The following LAMA3 variants were observed in gnomAD, a reference collection of about 807,000 sequenced individuals.
LAMA3 encodes laminin subunit alpha 3, also known as laminin subunit alpha-3.
A neutral mutation model predicts 402.0 loss-of-function variants in LAMA3; 281 were observed. The ratio of observed to expected loss-of-function variants is 0.70; its 90% CI spans 0.63 to 0.77. The LOEUF (loss-of-function observed/expected upper bound fraction) is 0.77, where lower values mean the gene tolerates loss of function less well. Among genes scored for constraint, LAMA3 ranks in the 30% least tolerant of loss-of-function variants. The pLI is 0.00. For synonymous variants in LAMA3, 1,431 were observed against 1,558.4 expected (o/e 0.92, Z 1.93); for missense variants, 3,840 against 4,215.5 (o/e 0.91, Z 2.47).
chr18:23,829,213 C>T (rs1435437062), intron 23 of LAMA3, among the ~76,000 whole-genome samples: 1 of 152,174 alleles, frequency 6.6e-6, no homozygotes, highest in African/African-American at 2.4e-5. Context: ...ATTTCCTTTT[C>T]AGAGTTTGGG....
rs2081837732 is a variant in LAMA3 at position 23,921,522 on chromosome 18, A to G, written c.8114A>G (p.Asp2705Gly). 8.1e-6 allele frequency: 13 copies of G among 1,613,502 alleles called. No individual in the cohort carries two copies. The highest frequency in any genetic ancestry group is 1.0e-5 in the Non-Finnish European group (12 of 1,179,458). ...GTGGACGTTCAAAACACTATAATTG[A>G]TGGTGAAGTATTTGATTTCAGCACA... is the stretch of plus-strand genomic sequence containing the variant. ...INVDVQNTII[D>G]GEVFDFSTYY... Residue 2705 changes from aspartate (D) to glycine (G), a missense_variant, in exon 62 of 75, where the codon GAT becomes GGT. By Grantham distance (94) the Asp-to-Gly change is moderately conservative. Coordinates refer to ENST00000313654, the MANE Select transcript of LAMA3 (RefSeq NM_198129.4).
intron 41 of LAMA3, among the ~76,000 whole-genome samples, chr18:23,887,715 T>C (rs1039369851): frequency 2.6e-5 from 4 of 152,182 alleles, no homozygotes; most frequent in African/African-American, 9.6e-5. Flanking sequence ...GGAGACTAGC[T>C]GGATAGAAGC....
intron 47 of LAMA3, among the ~76,000 whole-genome samples, chr18:23,900,315 C>A (rs2081029323): frequency 6.6e-6 from 1 of 152,182 alleles, no homozygotes; most frequent in Non-Finnish European, 1.5e-5. Context: ...AAGCAATACG[C>A]CTGCCTTGGT....
intron 39 of LAMA3, among the ~76,000 whole-genome samples, chr18:23,877,991 C>T (rs938756904): frequency 5.9e-5 from 9 of 151,896 alleles, no homozygotes; most frequent in Non-Finnish European, 1.2e-4. Context: ...TGGGCGCCTG[C>T]AATCCCAGCT....
chr18:23,923,417 G>C (rs1041542206), intron 62 of LAMA3, among the ~76,000 whole-genome samples: 7 of 152,238 alleles, frequency 4.6e-5, no homozygotes, highest in Non-Finnish European at 1.0e-4. Flanking sequence ...ACAGGGATCA[G>C]ATTCCAAATA....
intron 12 of LAMA3, among the ~76,000 whole-genome samples, chr18:23,799,950 T>A (rs1464568150): frequency 6.6e-6 from 1 of 152,200 alleles, no homozygotes; most frequent in African/African-American, 2.4e-5. Flanking sequence ...GCTGATTGGA[T>A]GAGGCCCACC....
chr18:23,889,965 C>A, intron 41 of LAMA3, 46 bp from the exon 42 acceptor site: 1 of 1,420,394 alleles, frequency 7.0e-7, no homozygotes, highest in Non-Finnish European at 1.0e-6. Flanking sequence ...TTGAGATAAA[C>A]GATGAGTTAT....
chr18:23,847,435 C>T (rs1172281924), intron 31 of LAMA3, 29 bp from the exon 32 acceptor site: 2 of 1,605,024 alleles, frequency 1.2e-6, no homozygotes, highest in Non-Finnish European at 1.7e-6. Context: ...CTTTGACCCT[C>T]ACATGGTATT....
At chr18:23,933,737 C>T in intron 66 of LAMA3, 45 bp from the exon 67 acceptor site, 2 of 1,607,838 alleles carry the variant, frequency 1.2e-6, no homozygotes, top group Non-Finnish European at 1.7e-6. Context: ...TCTTCCTCGA[C>T]ATGTCCAAGT....
Position 23,857,939 on chromosome 18 carries a change from G to T in LAMA3, c.4232G>T (p.Gly1411Val). 1 of 1,614,200 alleles carries T rather than the reference G, an allele frequency of 6.2e-7. No individual in the cohort carries two copies. The highest frequency in any genetic ancestry group is 1.1e-5 in the South Asian group (1 of 91,086). Residue 1411 changes from glycine (G) to valine (V), a missense_variant, in exon 33 of 75, where the codon GGG (glycine) becomes GTG (valine). Gly to Val is a moderately radical substitution (Grantham distance 109). This residue lies in a region of LAMA3 where 2,109 missense variants were observed against 2,376.0 expected (regional missense o/e 0.89). Transcript: ENST00000313654. ...ECVPCNCNRDGTEPGVCDPGT... is the reference protein window; with the variant it reads ...ECVPCNCNRDVTEPGVCDPGT... Reference sequence around the variant, plus strand: ...GTTCCCTGCAATTGCAACAGAGATGGGACTGAGCCAGGAGTGTGTGACCCA... The same window carrying T: ...GTTCCCTGCAATTGCAACAGAGATGTGACTGAGCCAGGAGTGTGTGACCCA...
At chr18:23,938,761 G>A (rs957614360) in intron 67 of LAMA3, among the ~76,000 whole-genome samples, 37 of 152,156 alleles carry the variant, frequency 2.4e-4, no homozygotes, top group Admixed American at 5.9e-4. Context: ...CCCAGGTGCG[G>A]CAGCTTTCAG....
intron 12 of LAMA3, among the ~76,000 whole-genome samples, chr18:23,785,420 G>GT (rs1185434701): frequency 6.6e-6 from 1 of 152,196 alleles, no homozygotes; most frequent in African/African-American, 2.4e-5. Flanking sequence ...AAGAGCAGGG[G>GT]TGGCACTAGC....
intron 2 of LAMA3, among the ~76,000 whole-genome samples, chr18:23,723,499 G>GA (rs150783750): frequency 6.9e-4 from 102 of 147,194 alleles, no homozygotes; most frequent in African/African-American, 1.6e-3. Context: ...CATTTAGTAG[G>GA]AAAAAAAAAA....
At chr18:23,919,824 C>T (rs2081767294) in intron 60 of LAMA3, among the ~76,000 whole-genome samples, 1 of 151,180 alleles carries the variant, frequency 6.6e-6, no homozygotes, top group Non-Finnish European at 1.5e-5. Context: ...GAGTCACAGG[C>T]TCCCACTGGC....
At chr18:23,932,711 G>C (rs181986125) in intron 66 of LAMA3, 42 of 176,870 alleles carry the variant, frequency 2.4e-4, no homozygotes, top group African/African-American at 8.1e-4. Flanking sequence ...ATATTTAATA[G>C]AGAGAGAGTA....
At chr18:23,827,853 A>C (rs1474786191) in intron 23 of LAMA3, among the ~76,000 whole-genome samples, 2 of 152,080 alleles carry the variant, frequency 1.3e-5, no homozygotes, top group Non-Finnish European at 2.9e-5. Context: ...AGGATACCAC[A>C]CTCACTGACT....
rs1411639082 is a variant in LAMA3, at chr18:23,879,059, T to C, written c.5112+2652T>C. Among the ~76,000 whole-genome samples, 1 of 152,004 alleles carries C rather than the reference T, an allele frequency of 6.6e-6. No homozygotes were observed. The highest frequency in any genetic ancestry group is 1.5e-5 in the Non-Finnish European group (1 of 68,002). Reference sequence around the variant, plus strand: ...CCGTTCCTATTTCCCTCCCCTTTTCTTTTTCTGTCTTCTTTCTTCATCTTC... The same window carrying C: ...CCGTTCCTATTTCCCTCCCCTTTTCCTTTTCTGTCTTCTTTCTTCATCTTC... On this transcript the variant is annotated intron_variant, in intron 39 of 74. Coordinates refer to ENST00000313654, the MANE Select transcript of LAMA3 (RefSeq NM_198129.4). This position sits in a 1 kb window ranked among gnomAD's most constrained non-coding sequence, Gnocchi z 4.2.
chr18:23,936,999 G>A (rs1262575238), intron 67 of LAMA3, among the ~76,000 whole-genome samples: 2 of 152,094 alleles, frequency 1.3e-5, no homozygotes, highest in South Asian at 4.1e-4. Context: ...AGCAGCCTGT[G>A]GGATGGTTTG....
At chr18:23,759,301 C>G (rs1256558031) in intron 7 of LAMA3, among the ~76,000 whole-genome samples, 1 of 144,828 alleles carries the variant, frequency 6.9e-6, no homozygotes, top group Admixed American at 7.0e-5. Flanking sequence ...CCACTGCACT[C>G]CAGCCTGGGT....
Sources: allele counts gnomAD v4.1 joint callset (sites outside exome capture counted in the v4.1 genomes callset), GRCh38; gene constraint gnomAD v4.1.1; regional missense constraint gnomAD v4.1.1; non-coding constraint Gnocchi (gnomAD v3.1); transcripts MANE v1.5; gene names NCBI Gene and HGNC (gene_info 2026-07-23, HGNC 2026-07-21).